AFAP1: variants seen among roughly 807,000 people sequenced by gnomAD.
AFAP1 encodes actin filament associated protein 1.
Under a neutral mutation model 93.9 loss-of-function variants are expected in AFAP1, and 75 were observed. That is an observed-to-expected ratio of 0.80 (90% CI 0.66 to 0.97). The LOEUF (loss-of-function observed/expected upper bound fraction) is 0.97. Among genes scored for constraint, AFAP1 ranks in the 50% least tolerant of loss-of-function variants. The pLI is 0.00. For missense variants in AFAP1, 1,201 were observed against 1,050.8 expected (o/e 1.14, Z -1.98); for synonymous variants, 517 against 430.7 (o/e 1.20, Z -2.48).
In AFAP1 at chr4:7,939,497, G is replaced by A. The variant is rs1380843107; in HGVS notation, c.-3+159C>T. ...CGGGACCCCCGCGCGGGCCCACGCG[G>A]CGTCGCAGCAGGCGCGGAGCCCCCG... On this transcript the variant is annotated intron_variant, in intron 1 of 17. Transcript: ENST00000420658. This position sits in a 1 kb window ranked among gnomAD's most constrained non-coding sequence, Gnocchi z 5.6. The A allele has an allele frequency of 2.2e-5, 7 of 319,570 alleles. No individual in the cohort carries two copies. Among genetic ancestry groups the A allele is most frequent in the African/African-American group, 9.3e-5 (4 of 43,176 alleles). The allele number at this position is 319,570 out of a possible 1,614,324, so 19.8% of individuals were successfully genotyped here. A position where few individuals can be genotyped will look rare whatever the true frequency, so the allele number is the denominator to read the frequency against.
At chr4:7,938,188 G>C (rs4696688) in intron 1 of AFAP1, among the ~76,000 whole-genome samples, 16,918 of 151,792 alleles carry the variant, frequency 0.11, 1,479 homozygotes, top group East Asian at 0.5. Context: ...CTGGGGCAGC[G>C]GAGGGCAGAG....
chr4:7,772,820 C>A lies in AFAP1; in HGVS notation c.2253G>T (p.Gln751His). The part of the protein sequence containing the change: ...IEPKSGTSSP[Q>H]SPVFRHRTLE... ...CGAGGTGAGCCAGAAGGACACACACCTGTGGACTCGATGTCCCTGACTTGG... is the reference window on the plus strand; with the variant it reads ...CGAGGTGAGCCAGAAGGACACACACATGTGGACTCGATGTCCCTGACTTGG... Residue 751 changes from glutamine (Q) to histidine (H), a missense_variant and splice_region_variant, in exon 16 of 18, where the codon CAG becomes CAT. Coordinates refer to ENST00000420658, the MANE Select transcript of AFAP1 (RefSeq NM_001134647.2). 1 of 1,613,682 alleles carries A rather than the reference C, an allele frequency of 6.2e-7. No individual in the cohort carries two copies.
chr4:7,846,734 C>G (rs1456210604), intron 4 of AFAP1, among the ~76,000 whole-genome samples: 1 of 152,164 alleles, frequency 6.6e-6, no homozygotes, highest in Non-Finnish European at 1.5e-5. Context: ...CCATGAAAAG[C>G]CGGGCCTGCT....
chr4:7,770,517 G>T (rs975635660), intron 16 of AFAP1, among the ~76,000 whole-genome samples: 13 of 152,310 alleles, frequency 8.5e-5, no homozygotes, highest in African/African-American at 3.1e-4. Context: ...GTTCACCCTG[G>T]AAGGAAAGGC....
intron 1 of AFAP1, among the ~76,000 whole-genome samples, chr4:7,875,837 A>T (rs1165135846): frequency 6.6e-6 from 1 of 152,186 alleles, no homozygotes; most frequent in Non-Finnish European, 1.5e-5. Flanking sequence ...AAAAGAGGCA[A>T]ATATTACGAG....
rs187903797 is a variant in AFAP1 at position 7,833,778 on chromosome 4, C to T, written c.726+4746G>A. ...TAGTTTTTTGTATTTTTAGTAGACA[C>T]AGGGTTTCACCGTGTTATCCAGGAT... is the stretch of plus-strand genomic sequence containing the variant. On this transcript the variant is annotated intron_variant, in intron 6 of 17. Coordinates refer to ENST00000420658, the MANE Select transcript of AFAP1 (RefSeq NM_001134647.2). Among the ~76,000 whole-genome samples, 346 of 152,016 alleles carry T rather than the reference C, an allele frequency of 2.3e-3. 1 individual carries two copies. The highest frequency in any genetic ancestry group is 8.0e-3 in the African/African-American group (330 of 41,482).
At chr4:7,809,458 C>T (rs1360832038) in intron 9 of AFAP1, 156 bp downstream of exon 9, 6 of 856,152 alleles carry the variant, frequency 7.0e-6, no homozygotes, top group Admixed American at 3.3e-5. Flanking sequence ...AAAATGTAAA[C>T]ATTTAATACA....
intron 5 of AFAP1, 144 bp from the exon 6 acceptor site, chr4:7,838,847 C>A (rs926686992): frequency 4.7e-5 from 35 of 746,278 alleles, no homozygotes; most frequent in Non-Finnish European, 2.4e-5. Flanking sequence ...CACACACACA[C>A]ACACACACAC....
intron 3 of AFAP1, among the ~76,000 whole-genome samples, chr4:7,864,093 C>A (rs62289327): frequency 0.24 from 1,454 of 6,072 alleles, 3 homozygotes; most frequent in Middle Eastern, 0.38. Context: ...CCATCACAAC[C>A]CATTCCCAAC....
intron 10 of AFAP1, among the ~76,000 whole-genome samples, chr4:7,795,117 C>G (rs180989845): frequency 7.0e-4 from 107 of 152,200 alleles, no homozygotes; most frequent in African/African-American, 2.4e-3. Context: ...ATATTCCATG[C>G]AATGTATAAA....
chr4:7,881,332 C>CA (rs1467056551), intron 1 of AFAP1, among the ~76,000 whole-genome samples: 3 of 152,098 alleles, frequency 2.0e-5, no homozygotes, highest in Non-Finnish European at 4.4e-5. Flanking sequence ...CAGGCACCCC[C>CA]ACATGGCATC....
At chr4:7,827,629 A>G (rs1721552254) in intron 6 of AFAP1, among the ~76,000 whole-genome samples, 1 of 149,666 alleles carries the variant, frequency 6.7e-6, no homozygotes, top group African/African-American at 2.4e-5. Flanking sequence ...AGGACGGCCA[A>G]AAGCTTCCCC....
chr4:7,932,939 G>A (rs564597082), intron 1 of AFAP1, among the ~76,000 whole-genome samples: 7 of 141,258 alleles, frequency 5.0e-5, no homozygotes, highest in African/African-American at 1.9e-4. Context: ...AGAATCCCTT[G>A]AACCTGGGAG....
At chr4:7,854,665 G>A (rs1714844258) in intron 4 of AFAP1, among the ~76,000 whole-genome samples, 1 of 152,190 alleles carries the variant, frequency 6.6e-6, no homozygotes, top group Admixed American at 6.5e-5. Context: ...CAATGCACCA[G>A]GAGCCTCCTG....
intron 13 of AFAP1, among the ~76,000 whole-genome samples, chr4:7,780,122 G>A (rs10025396): frequency 0.15 from 23,464 of 152,116 alleles, 1,841 homozygotes; most frequent in Middle Eastern, 0.19. Context: ...AGAAACTTTC[G>A]CTTAGTGAGT....
intron 6 of AFAP1, among the ~76,000 whole-genome samples, chr4:7,837,023 C>T (rs1712384841): frequency 6.6e-6 from 1 of 152,092 alleles, no homozygotes; most frequent in Non-Finnish European, 1.5e-5. Context: ...GACAACAGAA[C>T]CAGGTTCAAA....
intron 12 of AFAP1, among the ~76,000 whole-genome samples, chr4:7,782,939 C>T (rs1314879015): frequency 1.3e-5 from 2 of 152,092 alleles, no homozygotes; most frequent in Admixed American, 1.3e-4. Context: ...ACGGTCTAGA[C>T]GAGACTATCA....
chr4:7,909,201 G>A (rs185621322), intron 1 of AFAP1, among the ~76,000 whole-genome samples: 71 of 152,266 alleles, frequency 4.7e-4, no homozygotes, highest in African/African-American at 1.7e-3. Flanking sequence ...TAAGCACTTT[G>A]CACACATATT....
intron 9 of AFAP1, 78 bp downstream of exon 9, chr4:7,809,536 T>C: frequency 1.3e-6 from 2 of 1,497,924 alleles, no homozygotes; most frequent in East Asian, 4.6e-5. Flanking sequence ...TTGGATGAAC[T>C]GGGTACCGAC....
Sources: allele counts gnomAD v4.1 joint callset (sites outside exome capture counted in the v4.1 genomes callset), GRCh38; gene constraint gnomAD v4.1.1; non-coding constraint Gnocchi (gnomAD v3.1); transcripts MANE v1.5; gene names NCBI Gene and HGNC (gene_info 2026-07-23, HGNC 2026-07-21).